KHDRBS2: variants seen among roughly 807,000 people sequenced by gnomAD.
KHDRBS2 encodes the protein KH RNA binding domain containing, signal transduction associated 2.
KHDRBS2 carries 26 observed loss-of-function variants against 44.3 expected under a neutral mutation model. That is an observed-to-expected ratio of 0.59 (90% CI 0.43 to 0.81). The LOEUF (loss-of-function observed/expected upper bound fraction) is 0.81, where lower values mean the gene tolerates loss of function less well. Among genes scored for constraint, KHDRBS2 ranks in the 40% least tolerant of loss-of-function variants. The pLI is 0.00. For synonymous variants in KHDRBS2, 194 were observed against 151.1 expected, an observed-to-expected ratio of 1.28 and a Z score of -2.08; for missense variants, 476 against 433.1, an observed-to-expected ratio of 1.10 and a Z score of -0.88.
intron 2 of KHDRBS2, among the ~76,000 whole-genome samples, chr6:62,065,534 CA>C (rs1168002044): frequency 6.8e-6 from 1 of 147,582 alleles, no homozygotes; most frequent in Non-Finnish European, 1.5e-5. Context: ...ATCGCAAGAA[CA>C]AAAAACCAAA....
chr6:61,820,629 T>G (rs993497751), intron 6 of KHDRBS2, among the ~76,000 whole-genome samples: 6 of 152,012 alleles, frequency 3.9e-5, no homozygotes, highest in Admixed American at 1.3e-4. Flanking sequence ...AATCCCTGCT[T>G]CCTGTCAGGA....
At chr6:61,573,460 G>GA in the KHDRBS2 span, among the ~76,000 whole-genome samples, 239 of 151,768 alleles carry the variant, frequency 1.6e-3, 1 homozygote, top group Non-Finnish European at 2.8e-3. Context: ...CACAGAACTA[G>GA]AAAAAAAAGA....
chr6:61,804,995 G>A (rs1018108893), intron 6 of KHDRBS2, among the ~76,000 whole-genome samples: 2 of 152,120 alleles, frequency 1.3e-5, no homozygotes, highest in Non-Finnish European at 2.9e-5. Flanking sequence ...CTCAGAAAAT[G>A]GATTTTTCTT....
At chr6:62,059,621 T>TA (rs1384781148) in intron 2 of KHDRBS2, among the ~76,000 whole-genome samples, 2 of 151,594 alleles carry the variant, frequency 1.3e-5, no homozygotes, top group African/African-American at 4.8e-5. Context: ...ACAAAAACGT[T>TA]AGAGAAAAAA....
intron 6 of KHDRBS2, among the ~76,000 whole-genome samples, chr6:61,853,793 T>C (rs1416806996): frequency 6.6e-6 from 1 of 152,210 alleles, no homozygotes; most frequent in Admixed American, 6.5e-5. Flanking sequence ...TTTTCATACA[T>C]CAGCTCCTTC....
chr6:61,694,510 T>G (rs759378104), intron 8 of KHDRBS2, among the ~76,000 whole-genome samples: 2 of 152,198 alleles, frequency 1.3e-5, no homozygotes, highest in Non-Finnish European at 2.9e-5. Context: ...GATCATCCTG[T>G]GTAACCAATT....
chr6:61,630,035 C>T, the KHDRBS2 span, among the ~76,000 whole-genome samples: 1 of 152,038 alleles, frequency 6.6e-6, no homozygotes, highest in Non-Finnish European at 1.5e-5. Flanking sequence ...TTAAAATGTC[C>T]AGTAGGAAAT....
intron 6 of KHDRBS2, among the ~76,000 whole-genome samples, chr6:61,738,476 C>T (rs1330673224): frequency 1.3e-5 from 2 of 151,936 alleles, no homozygotes; most frequent in Non-Finnish European, 2.9e-5. Flanking sequence ...TTGTGAAACA[C>T]AATCTTGGCT....
intron 6 of KHDRBS2, among the ~76,000 whole-genome samples, chr6:61,782,038 T>C (rs946630369): frequency 2.0e-5 from 3 of 152,090 alleles, no homozygotes; most frequent in East Asian, 1.9e-4. Context: ...TCTTGGCTTT[T>C]GGGGGGTGGG....
intron 1 of KHDRBS2, among the ~76,000 whole-genome samples, chr6:62,237,304 T>C (rs1371540548): frequency 3.9e-5 from 6 of 152,212 alleles, no homozygotes; most frequent in Non-Finnish European, 7.3e-5. Context: ...TTGTGTTATA[T>C]AAATATAAGT....
chr6:61,709,152 T>C (rs1474560366), intron 7 of KHDRBS2, among the ~76,000 whole-genome samples: 3 of 151,648 alleles, frequency 2.0e-5, no homozygotes, highest in South Asian at 4.1e-4. Context: ...AGTAAACATA[T>C]AGAAGCAAAG....
chr6:61,729,464 A>G (rs1336425698), intron 7 of KHDRBS2, among the ~76,000 whole-genome samples: 4 of 152,188 alleles, frequency 2.6e-5, no homozygotes, highest in Admixed American at 2.6e-4. Flanking sequence ...ACCGAAGAGA[A>G]GAACTGCTGG....
the KHDRBS2 span, among the ~76,000 whole-genome samples, chr6:61,552,853 T>A: frequency 6.6e-6 from 1 of 152,200 alleles, no homozygotes; most frequent in Non-Finnish European, 1.5e-5. Context: ...AAAGCCTACT[T>A]GGTCATGGTG....
At chr6:61,574,424 T>G in the KHDRBS2 span, 2 of 1,500,362 alleles carry the variant, frequency 1.3e-6, no homozygotes, top group South Asian at 1.2e-5. Flanking sequence ...GAGAAGACCA[T>G]ATGGAGCTTC....
At chr6:61,639,631 G>C in the KHDRBS2 span, among the ~76,000 whole-genome samples, 3 of 151,896 alleles carry the variant, frequency 2.0e-5, no homozygotes, top group African/African-American at 4.8e-5. Context: ...CATTTTATTT[G>C]TGCATTTTTA....
intron 3 of KHDRBS2, among the ~76,000 whole-genome samples, chr6:61,989,560 TA>T (rs899070625): frequency 2.9e-4 from 44 of 152,156 alleles, no homozygotes; most frequent in Non-Finnish European, 3.4e-4. Context: ...TGCTTGGCTA[TA>T]AAAAAATGTG....
intron 2 of KHDRBS2, among the ~76,000 whole-genome samples, chr6:62,064,966 G>C (rs1035593093): frequency 4.0e-5 from 6 of 151,812 alleles, no homozygotes; most frequent in Non-Finnish European, 7.4e-5. Context: ...CAAAAAGTGG[G>C]TGAAGGACAT....
downstream of KHDRBS2, among the ~76,000 whole-genome samples, chr6:61,676,970 A>G: frequency 6.6e-6 from 1 of 151,918 alleles, no homozygotes; most frequent in East Asian, 1.9e-4. Flanking sequence ...AAAGTAAATC[A>G]GGCTTACGTT....
chr6:62,048,133 C>CACACAG (rs1443064040), intron 2 of KHDRBS2, 139 bp from the exon 3 acceptor site: 1 of 589,874 alleles, frequency 1.7e-6, no homozygotes, highest in Admixed American at 2.9e-5. Flanking sequence ...CACACACACA[C>CACACAG]ACACACACAC....
Sources: allele counts gnomAD v4.1 joint callset (sites outside exome capture counted in the v4.1 genomes callset), GRCh38; gene constraint gnomAD v4.1.1; transcripts MANE v1.5; gene names NCBI Gene and HGNC (gene_info 2026-07-23, HGNC 2026-07-21).